The following VPS9D1 variants were observed in gnomAD, a reference collection of about 807,000 sequenced individuals.
VPS9D1 encodes VPS9 domain-containing protein 1.
VPS9D1 carries 78 observed loss-of-function variants against 75.8 expected under a neutral mutation model. The observed-to-expected ratio is 1.03, with a 90% CI of 0.86 to 1.24. The LOEUF (loss-of-function observed/expected upper bound fraction) is 1.24, where lower values mean the gene tolerates loss of function less well. Ranked by LOEUF, VPS9D1 falls within the 50% of genes most tolerant of loss-of-function variation. The probability of loss-of-function intolerance (pLI) is 0.00; values close to 1 mark genes in which losing one functional copy is unlikely to be tolerated. For synonymous variants in VPS9D1, 481 were observed against 385.6 expected (o/e 1.25, Z -2.90); for missense variants, 1,057 against 847.7 (o/e 1.25, Z -3.07).
intron 1 of VPS9D1, among the ~76,000 whole-genome samples, chr16:89,719,965 G>A (rs568223816): frequency 4.5e-4 from 69 of 152,158 alleles, no homozygotes; most frequent in Non-Finnish European, 7.4e-4. Flanking sequence ...GTGATCCACC[G>A]CCTGGGCCTC....
chr16:89,717,213 C>T (rs1018063904), intron 2 of VPS9D1: 11 of 274,322 alleles, frequency 4.0e-5, no homozygotes, highest in South Asian at 1.7e-4. Flanking sequence ...CCCCCACCCA[C>T]GCATTTCTAA....
rs1173850779 is a variant in VPS9D1, at chr16:89,711,893, C to G, written c.736G>C (p.Glu246Gln). The G allele has an allele frequency of 1.9e-6, 3 of 1,550,944 alleles. No homozygotes were observed. The highest frequency in any genetic ancestry group is 2.0e-5 in the Admixed American group (1 of 51,042). ...RALYAAILEY[E>Q]QDHDWPKHWK... ...CGTGGGGGACGCACATGGTCCTGTTCGTACTCCAGGATGGCGGCGTAAAGG... is the reference window on the plus strand; with the variant it reads ...CGTGGGGGACGCACATGGTCCTGTTGGTACTCCAGGATGGCGGCGTAAAGG... The change falls in exon 8 of 15, where the codon GAA becomes CAA. Residue 246 changes from glutamate to glutamine, a missense_variant. Coordinates refer to ENST00000389386, the MANE Select transcript of VPS9D1 (RefSeq NM_004913.3).
chr16:89,716,506 C>A lies in VPS9D1; in HGVS notation c.387G>T (p.Glu129Asp). The A allele has an allele frequency of 6.2e-7, 1 of 1,614,112 alleles. No homozygotes were observed. The highest frequency in any genetic ancestry group is 1.1e-5 in the South Asian group (1 of 91,084). ...CTGCCCCCTGAAGCTTCTGGAAGAT[C>A]TCGGGTGGCAGAAAAGGAGAGAGCT... Reference protein sequence around the residue: ...GGKLSPFLPPEIFQKLQGAES... With the variant: ...GGKLSPFLPPDIFQKLQGAES... Residue 129 changes from glutamate (E) to aspartate (D), a missense_variant, in exon 4 of 15, where the codon GAG becomes GAT. Physicochemically the swap from Glu to Asp is conservative, Grantham distance 45. Coordinates refer to ENST00000389386, the MANE Select transcript of VPS9D1 (RefSeq NM_004913.3).
Position 89,709,426 on chromosome 16 carries a change from G to A in VPS9D1, c.1398C>T (p.His466=), listed in dbSNP as rs1255562530. 6 of 1,513,792 alleles carry A rather than the reference G, an allele frequency of 4.0e-6. No homozygotes were observed. In the Admixed American group the frequency reaches 6.6e-5, roughly 17 times the overall value. The allele number at this position is 1,513,792 out of a possible 1,614,324, so 93.8% of individuals were successfully genotyped here. A position where few individuals can be genotyped will look rare whatever the true frequency, so the allele number is the denominator to read the frequency against. The change falls in exon 12 of 15, where the codon CAC becomes CAT. Residue 466 remains histidine (H), a synonymous_variant. Transcript: ENST00000389386. ...PLLLALYRSV[H]RAREAALSRS... ...TGCTCAGGGCAGCCTCCCGGGCTCG[G>A]TGCACGCTCCTGGGGCAGAGAGAGG...
At chr16:89,719,775 G>C (rs1379056181) in intron 1 of VPS9D1, among the ~76,000 whole-genome samples, 2 of 152,196 alleles carry the variant, frequency 1.3e-5, no homozygotes, top group African/African-American at 4.8e-5. Flanking sequence ...CTGGAGTGCA[G>C]TGGCAGGATC....
intron 4 of VPS9D1, among the ~76,000 whole-genome samples, 164 bp downstream of exon 4, chr16:89,716,298 G>A (rs971140589): frequency 6.6e-6 from 1 of 152,066 alleles, no homozygotes; most frequent in African/African-American, 2.4e-5. Context: ...CCCGGGAGGT[G>A]GAGGTTGCCG....
Position 89,710,638 on chromosome 16 carries a change from CT to C in VPS9D1, c.1205del (p.Glu402GlyfsTer7). On this transcript the variant is annotated frameshift_variant, in exon 10 of 15. Transcript: ENST00000389386. LOFTEE classifies it high-confidence loss of function. ...CGGTCTTCAGCTGCTGCAGCTGGGG[CT>C]CCGGCTGTACCCCACGGCCCCGGCC... ...RQGRGRGVQP[E>X]PQLQQLKTAV... is the part of the protein sequence containing the mutation. 1 of 1,611,362 alleles carries C rather than the reference CT, an allele frequency of 6.2e-7. No individual in the cohort carries two copies. Among genetic ancestry groups the C allele is most frequent in the South Asian group, 1.1e-5 (1 of 91,018 alleles).
chr16:89,718,989 C>G (rs753319943), intron 2 of VPS9D1, 38 bp downstream of exon 2: 2 of 1,581,938 alleles, frequency 1.3e-6, no homozygotes, highest in Non-Finnish European at 1.7e-6. Context: ...GCTGGGATTA[C>G]AGGCGTGAGC....
At position 89,709,204 on chromosome 16, in the gene VPS9D1, CCCT is replaced by C. The variant is rs1567540676; in HGVS notation, c.1597+20_1597+22del. The C allele has an allele frequency of 6.2e-7, 1 of 1,611,704 alleles. No individual in the cohort carries two copies. The highest frequency in any genetic ancestry group is 1.1e-5 in the South Asian group (1 of 91,028). ...TACTGGGATGGGAGCCTGTCCCTCC[CCCT>C]GACTCTCGAACCTGCTGACCTATGC... On this transcript the variant is annotated intron_variant, in intron 12 of 14. Transcript: ENST00000389386.
chr16:89,711,607 T>C, intron 8 of VPS9D1, 195 bp from the exon 9 acceptor site: 1 of 480,814 alleles, frequency 2.1e-6, no homozygotes. Context: ...ACCCTGGGCC[T>C]GCACCCTCGC....
intron 1 of VPS9D1, 22 bp from the exon 2 acceptor site, chr16:89,719,124 A>G: frequency 1.9e-6 from 3 of 1,611,400 alleles, no homozygotes; most frequent in Non-Finnish European, 2.5e-6. Context: ...AAAGAGAAAG[A>G]GTGGGGTCAG....
At chr16:89,713,247 GTTTTTCTT>G (rs1229260560) in intron 4 of VPS9D1, among the ~76,000 whole-genome samples, 2 of 151,900 alleles carry the variant, frequency 1.3e-5, no homozygotes, top group South Asian at 2.1e-4. Flanking sequence ...AGGACTTTTG[GTTTTTCTT>G]TTTTTCTTTT....
intron 11 of VPS9D1, 120 bp from the exon 12 acceptor site, chr16:89,709,555 C>T (rs906287640): frequency 7.7e-7 from 1 of 1,300,602 alleles, no homozygotes; most frequent in Non-Finnish European, 1.0e-6. Flanking sequence ...GCAAAAAGCC[C>T]CAGCGTTGCC....
In VPS9D1 at chr16:89,716,487, C is replaced by A. The variant is rs199895191; in HGVS notation, c.406G>T (p.Gly136Trp). The change falls in exon 4 of 15, where the codon GGG becomes TGG. Residue 136 changes from glycine (G) to tryptophan (W), a missense_variant. By Grantham distance (184) the Gly-to-Trp change is radical. Transcript: ENST00000389386. ...LPPEIFQKLQGAESQSCKKEL... is the reference protein window; with the variant it reads ...LPPEIFQKLQWAESQSCKKEL... ...TTCTTACAGCTTTGTGACTCTGCCC[C>A]CTGAAGCTTCTGGAAGATCTCGGGT... The A allele has an allele frequency of 2.7e-4, 433 of 1,614,080 alleles. 3 individuals carry two copies. In the South Asian group the frequency reaches 3.3e-3, roughly 12 times the overall value.
At chr16:89,720,307 C>T (rs1007105351) in intron 1 of VPS9D1, 2 of 737,230 alleles carry the variant, frequency 2.7e-6, no homozygotes, top group Non-Finnish European at 3.3e-6. Flanking sequence ...ACCCCTCCGG[C>T]CTGCTTTTCC....
chr16:89,716,294 A>C (rs1009940593), intron 4 of VPS9D1, among the ~76,000 whole-genome samples, 168 bp downstream of exon 4: 1 of 151,932 alleles, frequency 6.6e-6, no homozygotes, highest in Non-Finnish European at 1.5e-5. Flanking sequence ...TGAACCCGGG[A>C]GGTGGAGGTT....
intron 13 of VPS9D1, 46 bp downstream of exon 13, chr16:89,708,811 C>G: frequency 6.6e-7 from 1 of 1,517,948 alleles, no homozygotes; most frequent in Non-Finnish European, 8.8e-7. Flanking sequence ...CATTGCCTTT[C>G]TAGGGCCCTT....
At chr16:89,712,174 G>A in intron 6 of VPS9D1, 75 bp from the exon 7 acceptor site, 2 of 1,541,408 alleles carry the variant, frequency 1.3e-6, no homozygotes, top group Non-Finnish European at 1.8e-6. Context: ...CACACCCGGA[G>A]AGGCCGGGAC....
chr16:89,708,858 T>G lies in VPS9D1; in HGVS notation c.1696A>C (p.Ile566Leu). ...ACACCTCGCCCTCCTGGGACTCACA[T>G]GGCAGCTGCAGCGATGGGCGGGGGC... is the stretch of plus-strand genomic sequence containing the variant. The part of the protein sequence containing the change: ...AGPPPIAAAA[I>L]GADDLLPILS... Residue 566 changes from isoleucine to leucine, a missense_variant and splice_region_variant, in exon 13 of 15, where the codon ATT (isoleucine) becomes CTT (leucine). Ile to Leu is a conservative substitution (Grantham distance 5, BLOSUM62 2). Coordinates refer to ENST00000389386, the MANE Select transcript of VPS9D1 (RefSeq NM_004913.3). 1 of 1,579,678 alleles carries G rather than the reference T, an allele frequency of 6.3e-7. No individual in the cohort carries two copies. The highest frequency in any genetic ancestry group is 8.5e-7 in the Non-Finnish European group (1 of 1,170,242).
Sources: gnomAD v4.1 joint callset for allele counts (sites outside exome capture counted in the v4.1 genomes callset) on GRCh38, gnomAD v4.1.1 for gene constraint, MANE v1.5 for transcripts, NCBI Gene and HGNC (gene_info 2026-07-23, HGNC 2026-07-21) for gene names.